GLIS3: variants seen among roughly 807,000 people sequenced by gnomAD.
The protein encoded by GLIS3 is zinc finger protein GLIS3.
GLIS3 carries 53 observed loss-of-function variants against 78.6 expected under a neutral mutation model. That is an observed-to-expected ratio of 0.67 (90% CI 0.54 to 0.85). The LOEUF (loss-of-function observed/expected upper bound fraction) is 0.85, where lower values mean the gene tolerates loss of function less well. Ranked by LOEUF, GLIS3 falls within the 40% of genes least tolerant of loss-of-function variation. The probability of loss-of-function intolerance (pLI) is 0.00; values close to 1 mark genes in which losing one functional copy is unlikely to be tolerated. For missense variants in GLIS3, 1,703 were observed against 1,231.1 expected (o/e 1.38, Z -5.74); for synonymous variants, 684 against 509.9 (o/e 1.34, Z -4.60).
intron 4 of GLIS3, among the ~76,000 whole-genome samples, chr9:4,112,495 G>A (rs1329767591): frequency 6.6e-6 from 1 of 152,182 alleles, no homozygotes; most frequent in African/African-American, 2.4e-5. Context: ...AACCTTGACT[G>A]CTCATTAGAA....
chr9:4,356,185 T>C, the GLIS3 span, among the ~76,000 whole-genome samples: 1 of 152,198 alleles, frequency 6.6e-6, no homozygotes, highest in Non-Finnish European at 1.5e-5. Flanking sequence ...CAATATGATT[T>C]GGTAAACAGG....
At chr9:4,231,847 A>C (rs1822281615) in intron 2 of GLIS3, among the ~76,000 whole-genome samples, 1 of 152,208 alleles carries the variant, frequency 6.6e-6, no homozygotes. Context: ...TAAAGGATGT[A>C]CTTCAAATGA....
chr9:3,991,777 G>A (rs150247841), intron 4 of GLIS3, among the ~76,000 whole-genome samples: 1,697 of 138,646 alleles, frequency 0.012, 19 homozygotes, highest in Non-Finnish European at 0.016. Flanking sequence ...TGCAAGCTCC[G>A]CCTCCCGGCT....
Position 4,047,658 on chromosome 9 carries a change from G to C in GLIS3, c.1710+70110C>G, listed in dbSNP as rs148523011. Among the ~76,000 whole-genome samples, 100 of 152,214 alleles carry C rather than the reference G, an allele frequency of 6.6e-4. 1 individual carries two copies. Among genetic ancestry groups the C allele is most frequent in the Non-Finnish European group, 8.8e-4 (60 of 68,004 alleles). The stretch of plus-strand genomic sequence containing the variant: ...CTGACCTGAAGAAGCTCACAATCTA[G>C]GGAAAGAAAAAACTGTAATATAACG... On this transcript the variant is annotated intron_variant, in intron 4 of 10. Coordinates refer to ENST00000381971, the MANE Select transcript of GLIS3 (RefSeq NM_001042413.2).
chr9:4,421,464 A>G, the GLIS3 span, among the ~76,000 whole-genome samples: 2 of 152,272 alleles, frequency 1.3e-5, no homozygotes, highest in African/African-American at 4.8e-5. Flanking sequence ...CTGATCCATC[A>G]TACCTGATCA....
At chr9:4,475,933 C>A in the GLIS3 span, among the ~76,000 whole-genome samples, 1 of 151,750 alleles carries the variant, frequency 6.6e-6, no homozygotes, top group Admixed American at 6.6e-5. Flanking sequence ...TTTTGAAATA[C>A]AGATGGGGTC....
intron 4 of GLIS3, among the ~76,000 whole-genome samples, chr9:4,035,583 T>C (rs945351990): frequency 6.6e-6 from 1 of 152,074 alleles, no homozygotes; most frequent in African/African-American, 2.4e-5. Context: ...CTCTTCTCTG[T>C]TACTGCAGCA....
At chr9:4,279,981 T>C (rs909844809) in intron 2 of GLIS3, among the ~76,000 whole-genome samples, 1 of 152,058 alleles carries the variant, frequency 6.6e-6, no homozygotes, top group African/African-American at 2.4e-5. Flanking sequence ...GTAAGTAGAA[T>C]GAAATAAAAA....
intron 4 of GLIS3, among the ~76,000 whole-genome samples, chr9:3,986,411 C>T (rs552311241): frequency 2.0e-5 from 3 of 152,344 alleles, no homozygotes; most frequent in South Asian, 2.1e-4. Context: ...ACTCCCTTCT[C>T]ACCACCCCCA....
chr9:3,953,785 C>T lies in GLIS3; in HGVS notation c.1711-16596G>A, dbSNP rs1278963189. On this transcript the variant is annotated intron_variant, in intron 4 of 10. Coordinates refer to ENST00000381971, the MANE Select transcript of GLIS3 (RefSeq NM_001042413.2). ...GCTCTCTCTCTCTCTCTCTCTCTCTCTCTCTCTCTCTATATATATATATAT... is the reference window on the plus strand; with the variant it reads ...GCTCTCTCTCTCTCTCTCTCTCTCTTTCTCTCTCTCTATATATATATATAT... Among the ~76,000 whole-genome samples, 318 of 42,302 alleles carry T rather than the reference C, an allele frequency of 7.5e-3. 2 individuals carry two copies. Among genetic ancestry groups the T allele is most frequent in the African/African-American group, 0.026 (307 of 11,680 alleles). 27.8% of individuals were successfully genotyped at this position (42,302 alleles called of 152,430 possible).
intron 4 of GLIS3, among the ~76,000 whole-genome samples, chr9:4,028,027 G>C (rs955186801): frequency 5.3e-5 from 8 of 152,036 alleles, no homozygotes; most frequent in African/African-American, 1.9e-4. Context: ...GCGCAACCCG[G>C]ATCCACTACA....
At chr9:3,856,452 T>C (rs752427710) in intron 8 of GLIS3, among the ~76,000 whole-genome samples, 1 of 152,248 alleles carries the variant, frequency 6.6e-6, no homozygotes, top group Non-Finnish European at 1.5e-5. Flanking sequence ...TCAAGATTTC[T>C]AAGCTGCATT....
rs139221811 is a variant in GLIS3 at position 4,165,259 on chromosome 9, G to A, written c.389-39318C>T. ...AGTTCGAGACCAGCCTGGCCAACAT[G>A]GTGAAACCCCATCTCTCCTAAAAAT... is the stretch of plus-strand genomic sequence containing the variant. On this transcript the variant is annotated intron_variant, in intron 2 of 10. Transcript: ENST00000381971. Among the ~76,000 whole-genome samples the A allele has an allele frequency of 8.8e-3, 1,342 of 152,188 alleles. 17 individuals are homozygous for A. Among genetic ancestry groups the A allele is most frequent in the African/African-American group, 0.031 (1,288 of 41,510 alleles).
intron 4 of GLIS3, among the ~76,000 whole-genome samples, chr9:3,938,315 G>A (rs1057220357): frequency 5.3e-5 from 8 of 152,258 alleles, no homozygotes; most frequent in African/African-American, 1.9e-4. Flanking sequence ...AATGCAGGGG[G>A]GTGAGGGTGG....
At chr9:4,393,812 A>C in the GLIS3 span, among the ~76,000 whole-genome samples, 2 of 152,188 alleles carry the variant, frequency 1.3e-5, no homozygotes, top group Admixed American at 1.3e-4. Flanking sequence ...AACTTTGATT[A>C]GTTAAGACAT....
At chr9:4,378,371 G>A in the GLIS3 span, among the ~76,000 whole-genome samples, 40,215 of 151,988 alleles carry the variant, frequency 0.26, 5,639 homozygotes, top group South Asian at 0.41. Context: ...CAGATACACT[G>A]AAAACATATT....
chr9:4,118,072 T>G lies in GLIS3; in HGVS notation c.1406A>C (p.His469Pro). ...PPPYHAHAHL[H>P]HPELGPHAQQ... ...GGCGTGGGGCCCGAGCTCCGGGTGG[T>G]GAAGGTGCGCATGGGCATGGTAAGG... Residue 469 changes from histidine to proline, a missense_variant, in exon 4 of 11, where the codon CAC (histidine) becomes CCC (proline). Transcript: ENST00000381971. This position sits in a 1 kb window ranked among gnomAD's most constrained non-coding sequence, Gnocchi z 4.7. 1.3e-6 allele frequency: 2 copies of G among 1,521,960 alleles called. No individual in the cohort carries two copies. The highest frequency in any genetic ancestry group is 1.8e-5 in the Admixed American group (1 of 54,908). 94.3% of individuals were successfully genotyped at this position (1,521,960 alleles called of 1,614,324 possible).
At chr9:3,840,041 G>C (rs142008753) in intron 9 of GLIS3, among the ~76,000 whole-genome samples, 2 of 152,122 alleles carry the variant, frequency 1.3e-5, no homozygotes, top group Non-Finnish European at 2.9e-5. Flanking sequence ...AACGAATTGT[G>C]TGTCTTTGGA....
intron 2 of GLIS3, among the ~76,000 whole-genome samples, chr9:4,251,964 C>A (rs927630715): frequency 5.9e-5 from 9 of 152,084 alleles, no homozygotes; most frequent in African/African-American, 1.9e-4. Flanking sequence ...GGGTTTGTGC[C>A]GAGAGATCTG....
Sources: gnomAD v4.1 joint callset for allele counts (sites outside exome capture counted in the v4.1 genomes callset) on GRCh38, gnomAD v4.1.1 for gene constraint, Gnocchi (gnomAD v3.1) non-coding constraint, MANE v1.5 for transcripts, NCBI Gene and HGNC (gene_info 2026-07-23, HGNC 2026-07-21) for gene names.